The following PSMD1 variants were observed in gnomAD, a reference collection of about 807,000 sequenced individuals.
PSMD1 encodes 26S proteasome non-ATPase regulatory subunit 1.
Under a neutral mutation model 119.0 loss-of-function variants are expected in PSMD1, and 18 were observed. The observed-to-expected ratio is 0.15, with a 90% CI of 0.10 to 0.22. The LOEUF (loss-of-function observed/expected upper bound fraction) is 0.22, where lower values mean the gene tolerates loss of function less well. PSMD1 is among the 10% of genes least tolerant of loss of function. The probability of loss-of-function intolerance (pLI) is 1.00; values close to 1 mark genes in which losing one functional copy is unlikely to be tolerated. For synonymous variants in PSMD1, 374 were observed against 396.6 expected, an observed-to-expected ratio of 0.94 and a Z score of 0.68; for missense variants, 702 against 1,158.5, an observed-to-expected ratio of 0.61 and a Z score of 5.72.
intron 19 of PSMD1, 39 bp from the exon 20 acceptor site, chr2:231,161,301 A>G (rs1171654545): frequency 6.7e-7 from 1 of 1,489,232 alleles, no homozygotes; most frequent in African/African-American, 1.4e-5. Flanking sequence ...ATAATAGGAC[A>G]ATACTATTAT....
chr2:231,099,896 C>T (rs955914698), intron 16 of PSMD1, among the ~76,000 whole-genome samples: 5 of 152,214 alleles, frequency 3.3e-5, no homozygotes, highest in African/African-American at 1.2e-4. Context: ...CAAGGAAATA[C>T]TTTACCGGCT....
At chr2:231,153,480 C>A in intron 18 of PSMD1, 84 bp from the exon 19 acceptor site, 3 of 974,368 alleles carry the variant, frequency 3.1e-6, no homozygotes, top group South Asian at 1.4e-5. Flanking sequence ...AACTCATTAT[C>A]ATTGGAGCAA....
At chr2:231,109,702 A>G (rs932686744) in intron 16 of PSMD1, among the ~76,000 whole-genome samples, 8 of 152,228 alleles carry the variant, frequency 5.3e-5, no homozygotes, top group African/African-American at 1.4e-4. Flanking sequence ...CATTTATTCT[A>G]CATTTCTCAT....
At chr2:231,096,417 G>C (rs1694727605) in intron 16 of PSMD1, among the ~76,000 whole-genome samples, 1 of 152,110 alleles carries the variant, frequency 6.6e-6, no homozygotes, top group Non-Finnish European at 1.5e-5. Flanking sequence ...GTGTATAGCA[G>C]GACCAAAGCA....
intron 16 of PSMD1, chr2:231,109,219 A>G (rs1236949791): frequency 6.2e-7 from 1 of 1,614,220 alleles, no homozygotes; most frequent in Admixed American, 1.7e-5. Context: ...TGACTAAGTA[A>G]GCCTTCTTCT....
At chr2:231,160,095 A>G (rs1696601228) in intron 19 of PSMD1, among the ~76,000 whole-genome samples, 1 of 152,144 alleles carries the variant, frequency 6.6e-6, no homozygotes, top group Non-Finnish European at 1.5e-5. Context: ...CAGGCCATAT[A>G]TTCTCCCAGC....
chr2:231,101,656 TG>T (rs1019505387), intron 16 of PSMD1, among the ~76,000 whole-genome samples: 22 of 152,250 alleles, frequency 1.4e-4, no homozygotes, highest in African/African-American at 5.1e-4. Context: ...CAGACTTCAT[TG>T]TCTTGTTTAA....
chr2:231,082,511 CCTGGCCAACATGATGAAACCCCATCTCTA>C lies in PSMD1; in HGVS notation c.1414-369_1414-341del, dbSNP rs989693914. Reference sequence around the variant, plus strand: ...CTGAGGTCAGGAAGTTACAGACCAGCCTGGCCAACATGATGAAACCCCATCTCTACTAAAAATACAAAAATTAGGCAGGC... The same window carrying C: ...CTGAGGTCAGGAAGTTACAGACCAGCCTAAAAATACAAAAATTAGGCAGGC... On this transcript the variant is annotated intron_variant, in intron 12 of 24. Transcript: ENST00000308696. Among the ~76,000 whole-genome samples the C allele has an allele frequency of 9.2e-5, 14 of 152,288 alleles. 1 individual carries two copies. The highest frequency in any genetic ancestry group is 9.2e-4 in the Admixed American group (14 of 15,296).
intron 13 of PSMD1, 33 bp downstream of exon 13, chr2:231,083,027 A>G (rs890368161): frequency 1.2e-5 from 18 of 1,461,774 alleles, no homozygotes; most frequent in Non-Finnish European, 1.6e-5. Context: ...AACAAGCTTA[A>G]GTATTAATTA....
At position 231,115,463 on chromosome 2, in the gene PSMD1, A is replaced by C. The variant is rs554886742; in HGVS notation, c.1884-23273A>C. On this transcript the variant is annotated intron_variant, in intron 16 of 24. Coordinates refer to ENST00000308696, the MANE Select transcript of PSMD1 (RefSeq NM_002807.4). ...AAAATCAGCACAAACTTTTACTCAGAAAGAATAAATGATTGGGACTTAGTT... is the reference window on the plus strand; with the variant it reads ...AAAATCAGCACAAACTTTTACTCAGCAAGAATAAATGATTGGGACTTAGTT... Among the ~76,000 whole-genome samples, 5 of 152,296 alleles carry C rather than the reference A, an allele frequency of 3.3e-5. No individual in the cohort carries two copies. The South Asian group carries it at 1.0e-3, about 32-fold the overall frequency.
intron 4 of PSMD1, among the ~76,000 whole-genome samples, chr2:231,065,568 G>T (rs1693890250): frequency 6.6e-6 from 1 of 152,048 alleles, no homozygotes; most frequent in Admixed American, 6.6e-5. Flanking sequence ...CAAAGTGCTG[G>T]GATTACAGGC....
intron 8 of PSMD1, 78 bp downstream of exon 8, chr2:231,075,649 G>C: frequency 1.5e-6 from 2 of 1,297,496 alleles, no homozygotes; most frequent in South Asian, 2.7e-5. Flanking sequence ...GCGCGGTCTC[G>C]GCTCACTACA....
chr2:231,108,320 A>G, intron 16 of PSMD1: 2 of 538,718 alleles, frequency 3.7e-6, no homozygotes, highest in Non-Finnish European at 6.5e-6. Flanking sequence ...TTTCATTTGT[A>G]GCTATATAAA....
At chr2:231,143,052 A>G (rs1696165093) in intron 17 of PSMD1, among the ~76,000 whole-genome samples, 1 of 151,962 alleles carries the variant, frequency 6.6e-6, no homozygotes, top group African/African-American at 2.4e-5. Context: ...TTACAAGCCT[A>G]TTACTCTTTT....
Position 231,113,865 on chromosome 2 carries a change from T to C in PSMD1, c.1884-24871T>C, listed in dbSNP as rs757908200. On this transcript the variant is annotated intron_variant, in intron 16 of 24. Transcript: ENST00000308696. The stretch of plus-strand genomic sequence containing the variant: ...CACAGAGATGCATGATGGATGCGGT[T>C]GAAAAGAGAACGTCAAGAAATAACC... The C allele has an allele frequency of 7.4e-6, 12 of 1,614,138 alleles. No homozygotes were observed. The East Asian group carries it at 2.7e-4, about 36-fold the overall frequency.
chr2:231,113,627 CCT>C, intron 16 of PSMD1: 2 of 993,280 alleles, frequency 2.0e-6, no homozygotes, highest in Non-Finnish European at 3.2e-6. Context: ...GCTGGCTTGA[CCT>C]CTCATGCTGA....
At chr2:231,113,349 G>A (rs1244381504) in intron 16 of PSMD1, among the ~76,000 whole-genome samples, 1 of 152,058 alleles carries the variant, frequency 6.6e-6, no homozygotes, top group Non-Finnish European at 1.5e-5. Flanking sequence ...GTGATTTAAG[G>A]TGCATTTCTT....
At chr2:231,142,179 G>A (rs1028488082) in intron 17 of PSMD1, among the ~76,000 whole-genome samples, 6 of 152,134 alleles carry the variant, frequency 3.9e-5, no homozygotes, top group East Asian at 1.9e-4. Context: ...CACTGTGCCC[G>A]GCCAGTTTTT....
At chr2:231,142,531 T>C (rs996316172) in intron 17 of PSMD1, among the ~76,000 whole-genome samples, 2 of 152,202 alleles carry the variant, frequency 1.3e-5, no homozygotes, top group African/African-American at 4.8e-5. Flanking sequence ...ACAAGTTAAT[T>C]GAATGAAAAG....
Sources: allele counts gnomAD v4.1 joint callset (sites outside exome capture counted in the v4.1 genomes callset), GRCh38; gene constraint gnomAD v4.1.1; transcripts MANE v1.5; gene names NCBI Gene and HGNC (gene_info 2026-07-23, HGNC 2026-07-21).